Variants in ADGRV1 observed in about 807,000 individuals in gnomAD.
The protein encoded by ADGRV1 is G-protein coupled receptor 98.
A neutral mutation model predicts 596.2 loss-of-function variants in ADGRV1; 359 were observed. The observed-to-expected ratio is 0.60, with a 90% CI of 0.55 to 0.66. ADGRV1 has a LOEUF of 0.66. Among genes scored for constraint, ADGRV1 ranks in the 30% least tolerant of loss-of-function variants. The pLI is 0.00. For synonymous variants in ADGRV1, 2,681 were observed against 2,679.2 expected, an observed-to-expected ratio of 1.00 and a Z score of -0.02; for missense variants, 7,274 against 7,575.6, an observed-to-expected ratio of 0.96 and a Z score of 1.48.
chr5:90,665,715 A>G (rs1194800842), intron 21 of ADGRV1, among the ~76,000 whole-genome samples: 9 of 148,642 alleles, frequency 6.1e-5, no homozygotes, highest in South Asian at 4.4e-4. Context: ...TAGGGTGTCA[A>G]TTTTGGATCT....
chr5:90,976,239 A>G (rs1158312423), intron 84 of ADGRV1, among the ~76,000 whole-genome samples: 1 of 137,912 alleles, frequency 7.3e-6, no homozygotes, highest in East Asian at 2.4e-4. Flanking sequence ...TATATACACA[A>G]TGTACATATA....
chr5:90,959,935 C>T (rs555367439), intron 83 of ADGRV1, among the ~76,000 whole-genome samples: 21 of 152,084 alleles, frequency 1.4e-4, no homozygotes, highest in East Asian at 1.4e-3. Context: ...GTCAGGAGAT[C>T]AAGACCATCC....
intron 9 of ADGRV1, among the ~76,000 whole-genome samples, chr5:90,631,882 T>C (rs1248224640): frequency 1.3e-5 from 2 of 152,214 alleles, no homozygotes; most frequent in Non-Finnish European, 2.9e-5. Context: ...AAAAAATCTC[T>C]GACTTTATAC....
chr5:91,089,847 G>A lies in ADGRV1; in HGVS notation c.18311-12372G>A, dbSNP rs1357092557. Among the ~76,000 whole-genome samples, 4 of 152,124 alleles carry A rather than the reference G, an allele frequency of 2.6e-5. No individual in the cohort carries two copies. The South Asian group carries it at 6.2e-4, about 24-fold the overall frequency. The stretch of plus-strand genomic sequence containing the variant: ...ACATAGGCAAGTTTAAAGATGCATT[G>A]TACATTTTCATTGTATTACAAAAGT... On this transcript the variant is annotated intron_variant, in intron 86 of 89. Transcript: ENST00000405460.
rs1413987950 is a variant in ADGRV1, at chr5:90,627,580, G to C, written c.1042G>C (p.Asp348His). ...HESHLKFQIVDDTIPEIAESF... is the reference protein window; with the variant it reads ...HESHLKFQIVHDTIPEIAESF... ...ATCTCACTTGAAATTTCAAATAGTT[G>C]ATGACACCATACCGGAGATTGCTGA... Residue 348 changes from aspartate to histidine, a missense_variant, in exon 7 of 90, where the codon GAT becomes CAT. Physicochemically the swap from Asp to His is moderately conservative, Grantham distance 81. Around this residue, in one of 5 missense-constraint regions of ADGRV1, gnomAD observed 1,715 missense variants for 1,708.8 expected, o/e 1.00. Transcript: ENST00000405460. The C allele has an allele frequency of 7.4e-6, 12 of 1,613,752 alleles. No individual in the cohort carries two copies. The highest frequency in any genetic ancestry group is 9.3e-6 in the Non-Finnish European group (11 of 1,179,818).
At chr5:90,867,403 T>C (rs1341236499) in intron 83 of ADGRV1, among the ~76,000 whole-genome samples, 2 of 152,168 alleles carry the variant, frequency 1.3e-5, no homozygotes, top group African/African-American at 4.8e-5. Context: ...GTCTATTCTC[T>C]GGAATTTAAA....
chr5:91,021,210 C>T (rs930953061), intron 85 of ADGRV1, among the ~76,000 whole-genome samples: 2 of 152,106 alleles, frequency 1.3e-5, no homozygotes, highest in African/African-American at 4.8e-5. Flanking sequence ...TGTATTATTT[C>T]TAGAATGTCA....
chr5:90,806,047 G>A (rs1388325068), intron 72 of ADGRV1, among the ~76,000 whole-genome samples: 7 of 152,122 alleles, frequency 4.6e-5, no homozygotes, highest in African/African-American at 9.7e-5. Flanking sequence ...CCAGCCAAAC[G>A]CCATTTACAC....
intron 7 of ADGRV1, 24 bp downstream of exon 7, chr5:90,627,800 G>A (rs1764971562): frequency 1.5e-6 from 2 of 1,311,166 alleles, no homozygotes; most frequent in East Asian, 2.5e-5. Flanking sequence ...TAAATATATT[G>A]CTACCATTAT....
rs2149794750 is a variant in ADGRV1 at position 90,724,934 on chromosome 5, T to C, written c.9851T>C (p.Leu3284Ser). ...TLENLIYGIMLRKSSVTVYRW... is the reference protein window; with the variant it reads ...TLENLIYGIMSRKSSVTVYRW... ...GAAAATTTAATATATGGTATAATGT[T>C]AAGAAAATCATCTGTTACTGTTTAC... Residue 3284 changes from leucine to serine, a missense_variant, in exon 46 of 90, where the codon TTA (leucine) becomes TCA (serine). Leu to Ser is a moderately radical substitution (Grantham distance 145). This residue lies in a region of ADGRV1 where 3,643 missense variants were observed against 3,809.2 expected (regional missense o/e 0.96). Transcript: ENST00000405460. The C allele has an allele frequency of 4.3e-6, 7 of 1,609,798 alleles. No homozygotes were observed. Among genetic ancestry groups the C allele is most frequent in the Non-Finnish European group, 5.9e-6 (7 of 1,177,432 alleles).
At chr5:91,112,768 A>C (rs1054606838) in intron 87 of ADGRV1, among the ~76,000 whole-genome samples, 2 of 152,180 alleles carry the variant, frequency 1.3e-5, no homozygotes, top group African/African-American at 4.8e-5. Context: ...AGGTGCATGC[A>C]GTTAAGTGTC....
At chr5:90,743,289 G>A (rs542927220) in intron 50 of ADGRV1, among the ~76,000 whole-genome samples, 37 of 152,132 alleles carry the variant, frequency 2.4e-4, no homozygotes, top group African/African-American at 7.5e-4. Flanking sequence ...TTTATGCAAC[G>A]TTTGCTGAAG....
intron 85 of ADGRV1, among the ~76,000 whole-genome samples, chr5:91,055,028 C>T (rs1323956768): frequency 6.6e-6 from 1 of 152,154 alleles, no homozygotes; most frequent in African/African-American, 2.4e-5. Flanking sequence ...TTTTGAGTTA[C>T]CTTGACAGAA....
chr5:90,686,784 C>T (rs1178402879), intron 29 of ADGRV1, among the ~76,000 whole-genome samples: 10 of 152,252 alleles, frequency 6.6e-5, no homozygotes, highest in African/African-American at 1.2e-4. Flanking sequence ...CCTGAGGAAT[C>T]GCCACGCTGA....
At chr5:91,054,677 A>G (rs1238703821) in intron 85 of ADGRV1, among the ~76,000 whole-genome samples, 1 of 152,168 alleles carries the variant, frequency 6.6e-6, no homozygotes, top group Non-Finnish European at 1.5e-5. Flanking sequence ...GGCTTCTTTT[A>G]TAAGAGTTCT....
Position 91,048,023 on chromosome 5 carries a change from A to C in ADGRV1, c.18153-24424A>C, listed in dbSNP as rs188342788. 9.2e-3 allele frequency among the ~76,000 whole-genome samples: 1,397 copies of C among 152,344 alleles called. 11 individuals are homozygous for C. Among genetic ancestry groups the C allele is most frequent in the Non-Finnish European group, 0.014 (944 of 68,030 alleles). ...ACAGCAAGGACTTACTAAGGCATAA[A>C]GTTTATGAATAGGGAAGAGCGTGTG... is the stretch of plus-strand genomic sequence containing the variant. On this transcript the variant is annotated intron_variant, in intron 85 of 89. Coordinates refer to ENST00000405460, the MANE Select transcript of ADGRV1 (RefSeq NM_032119.4).
chr5:90,788,277 A>G lies in ADGRV1; in HGVS notation c.13860A>G (p.Lys4620=). The stretch of plus-strand genomic sequence containing the variant: ...TTCATCTTGTGAAAGGAGAAGCTAA[A>G]TTAGACTCCAGAGCTAAAGATGTTA... ...IKLHLVKGEA[K]LDSRAKDVTL... The change falls in exon 68 of 90, where the codon AAA becomes AAG. Residue 4620 remains lysine (K), a synonymous_variant. Transcript: ENST00000405460. 2.5e-6 allele frequency: 4 copies of G among 1,613,102 alleles called. No individual in the cohort carries two copies. The highest frequency in any genetic ancestry group is 2.2e-5 in the South Asian group (2 of 91,016).
In ADGRV1 at chr5:91,058,501, G is replaced by A. The variant is rs145546744; in HGVS notation, c.18153-13946G>A. ...GGCATCTTTTGCCCTCTTTTTGGAAGCTTTGTGGGAGTGGGACAGTAGTAT... is the reference window on the plus strand; with the variant it reads ...GGCATCTTTTGCCCTCTTTTTGGAAACTTTGTGGGAGTGGGACAGTAGTAT... On this transcript the variant is annotated intron_variant, in intron 85 of 89. Coordinates refer to ENST00000405460, the MANE Select transcript of ADGRV1 (RefSeq NM_032119.4). Among the ~76,000 whole-genome samples the A allele has an allele frequency of 2.2e-4, 33 of 148,626 alleles. No individual in the cohort carries two copies. The East Asian group carries it at 4.9e-3, about 22-fold the overall frequency.
At chr5:91,137,609 A>G (rs1794753168) in intron 87 of ADGRV1, among the ~76,000 whole-genome samples, 1 of 152,226 alleles carries the variant, frequency 6.6e-6, no homozygotes. Flanking sequence ...TTGAGGAAAG[A>G]TTAAAATATT....
Sources: gnomAD v4.1 joint callset for allele counts (sites outside exome capture counted in the v4.1 genomes callset) on GRCh38, gnomAD v4.1.1 for gene constraint, gnomAD v4.1.1 regional missense constraint, MANE v1.5 for transcripts, NCBI Gene and HGNC (gene_info 2026-07-23, HGNC 2026-07-21) for gene names.